Variants in ALDH4A1 observed in about 807,000 individuals in gnomAD.
ALDH4A1 encodes aldehyde dehydrogenase 4 family member A1.
In ALDH4A1, 46 loss-of-function variants were observed where a neutral mutation model predicts 70.5. The ratio of observed to expected loss-of-function variants is 0.65; its 90% CI spans 0.51 to 0.83. The LOEUF is 0.83. Ranked by LOEUF, ALDH4A1 falls within the 40% of genes least tolerant of loss-of-function variation. The pLI is 0.00. For synonymous variants in ALDH4A1, 323 were observed against 324.3 expected (o/e 1.00, Z 0.04); for missense variants, 749 against 766.5 (o/e 0.98, Z 0.27).
At chr1:18,877,318 TC>T (rs1934743812) in intron 10 of ALDH4A1, 63 bp from the exon 11 acceptor site, 1 of 1,563,152 alleles carries the variant, frequency 6.4e-7, no homozygotes, top group Admixed American at 1.9e-5. Context: ...GGGAGACCCC[TC>T]CCCGCACACC....
chr1:18,879,181 C>A, intron 9 of ALDH4A1, 119 bp downstream of exon 9: 1 of 1,020,010 alleles, frequency 9.8e-7, no homozygotes, highest in Admixed American at 2.0e-5. Context: ...GTGCTGGTGC[C>A]TGAAATGGTT....
intron 9 of ALDH4A1, among the ~76,000 whole-genome samples, 177 bp downstream of exon 9, chr1:18,879,123 A>C (rs1161951795): frequency 6.6e-6 from 1 of 152,176 alleles, no homozygotes; most frequent in Non-Finnish European, 1.5e-5. Context: ...CATATTGGAG[A>C]GTGAAGGTAC....
chr1:18,873,075 T>C, intron 14 of ALDH4A1, 118 bp from the exon 15 acceptor site: 1 of 876,610 alleles, frequency 1.1e-6, no homozygotes. Context: ...GCGAGCCTGC[T>C]GCCAAGCTTG....
chr1:18,879,591 G>T (rs895634539), intron 8 of ALDH4A1, among the ~76,000 whole-genome samples: 1 of 152,182 alleles, frequency 6.6e-6, no homozygotes, highest in Admixed American at 6.5e-5. Flanking sequence ...TCTGCAGCCA[G>T]GAGGACACTA....
intron 1 of ALDH4A1, 97 bp downstream of exon 1, chr1:18,902,365 G>T: frequency 9.4e-7 from 1 of 1,068,004 alleles, no homozygotes. Flanking sequence ...TGGGGGTCCG[G>T]CAGGGAGGGA....
intron 1 of ALDH4A1, 48 bp downstream of exon 1, chr1:18,902,414 G>A: frequency 7.7e-7 from 1 of 1,298,426 alleles, no homozygotes; most frequent in Admixed American, 4.0e-5. Flanking sequence ...TCAGGCTCCC[G>A]GGCCCCAGGC....
intron 1 of ALDH4A1, 70 bp downstream of exon 1, chr1:18,902,392 G>A: frequency 1.6e-6 from 2 of 1,219,270 alleles, no homozygotes; most frequent in Admixed American, 3.9e-5. Flanking sequence ...CGCGGGGGAC[G>A]CCCAGTGACT....
chr1:18,896,526 C>G (rs376184162), intron 1 of ALDH4A1, among the ~76,000 whole-genome samples: 6 of 152,354 alleles, frequency 3.9e-5, no homozygotes, highest in Middle Eastern at 6.8e-3. Flanking sequence ...AAGGCTAATC[C>G]TCCCTATCAC....
chr1:18,894,938 G>A (rs1935567473), intron 1 of ALDH4A1, among the ~76,000 whole-genome samples: 1 of 149,828 alleles, frequency 6.7e-6, no homozygotes, highest in African/African-American at 2.5e-5. Flanking sequence ...TGGCTGCTCG[G>A]GTGAAGGCAG....
At chr1:18,885,389 C>T in intron 5 of ALDH4A1, 84 bp downstream of exon 5, 1 of 1,418,630 alleles carries the variant, frequency 7.0e-7, no homozygotes, top group African/African-American at 1.4e-5. Context: ...AGAAGCGCTT[C>T]AGCTGATGTC....
rs1347339494 is a variant in ALDH4A1 at position 18,880,734 on chromosome 1, C to A, written c.866+966G>T. On this transcript the variant is annotated intron_variant, in intron 8 of 14. Transcript: ENST00000375341. The surrounding 1 kb of genome is among the most constrained non-coding windows in gnomAD (Gnocchi z 5.1). ...TCCAGGTCCAGGGGACCAAGACAGGCCAATATTTGGATTTATCTATGAAAT... is the reference window on the plus strand; with the variant it reads ...TCCAGGTCCAGGGGACCAAGACAGGACAATATTTGGATTTATCTATGAAAT... Among the ~76,000 whole-genome samples the A allele has an allele frequency of 6.6e-6, 1 of 152,154 alleles. No individual in the cohort carries two copies. The highest frequency in any genetic ancestry group is 1.5e-5 in the Non-Finnish European group (1 of 68,028).
chr1:18,873,686 C>A (rs7555171), intron 14 of ALDH4A1, among the ~76,000 whole-genome samples: 103,682 of 152,102 alleles, frequency 0.68, 35,660 homozygotes, highest in Admixed American at 0.77. Context: ...GGCGGTGCCC[C>A]TGCCGGGGAC....
intron 1 of ALDH4A1, chr1:18,890,684 C>A (rs1448611881): frequency 1.0e-6 from 1 of 985,466 alleles, no homozygotes; most frequent in East Asian, 1.1e-4. Context: ...AATAATCGCA[C>A]CGAACTCACG....
intron 1 of ALDH4A1, among the ~76,000 whole-genome samples, chr1:18,892,559 G>C (rs189109939): frequency 0.066 from 9,181 of 139,298 alleles, 416 homozygotes; most frequent in Non-Finnish European, 0.097. Context: ...AGAAGGAGGC[G>C]GGGGGGGGCT....
chr1:18,880,202 A>C lies in ALDH4A1; in HGVS notation c.867-829T>G, dbSNP rs973472540. ...AAAGCTGCGGGGAAGGGGGTGGCAG[A>C]GCCTGGGGCCTGGAAGAGGAGGTAA... On this transcript the variant is annotated intron_variant, in intron 8 of 14. Coordinates refer to ENST00000375341, the MANE Select transcript of ALDH4A1 (RefSeq NM_003748.4). This position sits in a 1 kb window ranked among gnomAD's most constrained non-coding sequence, Gnocchi z 5.1. Among the ~76,000 whole-genome samples, 1 of 151,646 alleles carries C rather than the reference A, an allele frequency of 6.6e-6. No homozygotes were observed. The highest frequency in any genetic ancestry group is 2.4e-5 in the African/African-American group (1 of 41,248).
intron 7 of ALDH4A1, 65 bp downstream of exon 7, chr1:18,883,059 C>T: frequency 6.2e-7 from 1 of 1,606,836 alleles, no homozygotes; most frequent in Non-Finnish European, 8.5e-7. Flanking sequence ...AGGGTGGCCT[C>T]TGTCTGTCTG....
chr1:18,889,925 C>A, intron 2 of ALDH4A1, 87 bp downstream of exon 2: 1 of 1,157,768 alleles, frequency 8.6e-7, no homozygotes, highest in Non-Finnish European at 1.2e-6. Flanking sequence ...GTGATGGCTG[C>A]AGGCACGGGG....
chr1:18,892,995 C>A (rs1386450893), intron 1 of ALDH4A1, among the ~76,000 whole-genome samples: 1 of 152,226 alleles, frequency 6.6e-6, no homozygotes, highest in Non-Finnish European at 1.5e-5. Context: ...CTCAGCTAAG[C>A]TCCTGACCCT....
At chr1:18,890,676 T>C (rs1935400867) in intron 1 of ALDH4A1, 1 of 985,544 alleles carries the variant, frequency 1.0e-6, no homozygotes, top group Non-Finnish European at 1.2e-6. Context: ...CAAGTAAGAA[T>C]AATCGCACCG....
Sources: gnomAD v4.1 joint callset for allele counts (sites outside exome capture counted in the v4.1 genomes callset) on GRCh38, gnomAD v4.1.1 for gene constraint, Gnocchi (gnomAD v3.1) non-coding constraint, MANE v1.5 for transcripts, NCBI Gene and HGNC (gene_info 2026-07-23, HGNC 2026-07-21) for gene names.